The following NIBAN1 variants were observed in gnomAD, a reference collection of about 807,000 sequenced individuals.
NIBAN1 encodes protein Niban 1.
Under a neutral mutation model 75.1 loss-of-function variants are expected in NIBAN1, and 81 were observed. That is an observed-to-expected ratio of 1.08 (90% CI 0.90 to 1.30). The LOEUF (loss-of-function observed/expected upper bound fraction) is 1.30, where lower values mean the gene tolerates loss of function less well. Ranked by LOEUF, NIBAN1 falls within the 50% of genes most tolerant of loss-of-function variation. The probability of loss-of-function intolerance (pLI) is 0.00; values close to 1 mark genes in which losing one functional copy is unlikely to be tolerated. For missense variants in NIBAN1, 1,133 were observed against 1,128.1 expected, an observed-to-expected ratio of 1.00 and a Z score of -0.06; for synonymous variants, 436 against 424.8, an observed-to-expected ratio of 1.03 and a Z score of -0.32.
intron 1 of NIBAN1, among the ~76,000 whole-genome samples, chr1:184,910,747 T>A (rs891528979): frequency 3.9e-5 from 6 of 152,110 alleles, no homozygotes; most frequent in African/African-American, 1.2e-4. Context: ...CAGGAAGAGA[T>A]TAACTTTTGA....
chr1:184,964,423 G>C (rs1266104354), intron 1 of NIBAN1, among the ~76,000 whole-genome samples: 1 of 152,226 alleles, frequency 6.6e-6, no homozygotes, highest in Non-Finnish European at 1.5e-5. Context: ...GACCATCTGG[G>C]AGGCAGCACA....
At chr1:184,832,784 T>C (rs1386324552) in intron 5 of NIBAN1, among the ~76,000 whole-genome samples, 1 of 152,188 alleles carries the variant, frequency 6.6e-6, no homozygotes, top group East Asian at 1.9e-4. Flanking sequence ...TATCTAATGG[T>C]GGAACTTAAG....
intron 5 of NIBAN1, among the ~76,000 whole-genome samples, chr1:184,833,735 A>G (rs1490879865): frequency 6.6e-6 from 1 of 152,132 alleles, no homozygotes; most frequent in Non-Finnish European, 1.5e-5. Flanking sequence ...TAAAAAGAAA[A>G]GAAACGAATA....
At chr1:184,950,294 C>T (rs1304596614) in intron 1 of NIBAN1, among the ~76,000 whole-genome samples, 1 of 152,126 alleles carries the variant, frequency 6.6e-6, no homozygotes, top group Non-Finnish European at 1.5e-5. Context: ...CCAGGCCATC[C>T]AGGATTGTTT....
At chr1:184,969,417 G>T (rs955493682) in intron 1 of NIBAN1, among the ~76,000 whole-genome samples, 1 of 152,130 alleles carries the variant, frequency 6.6e-6, no homozygotes, top group Non-Finnish European at 1.5e-5. Context: ...GCAGTTGCAG[G>T]CATCACATTC....
chr1:184,862,553 C>T (rs1655844122), intron 5 of NIBAN1, among the ~76,000 whole-genome samples: 1 of 152,136 alleles, frequency 6.6e-6, no homozygotes, highest in Non-Finnish European at 1.5e-5. Context: ...AAAATGAACA[C>T]ATTTTTTAGC....
Position 184,823,686 on chromosome 1 carries a change from C to T in NIBAN1, c.774G>A (p.Leu258=), listed in dbSNP as rs747382735. The change falls in exon 7 of 14, where the codon CTG becomes CTA. Residue 258 remains leucine, a synonymous_variant. Transcript: ENST00000367511. ...ELLPTLQTDL[L]PKMKGKKNDR... is the part of the protein sequence containing the mutation. ...CATTCTTCTTCCCCTTCATCTTAGG[C>T]AGCAGGTCTGTCTGAAGAGTGGGCA... The T allele has an allele frequency of 1.2e-6, 2 of 1,614,166 alleles. No homozygotes were observed. Among genetic ancestry groups the T allele is most frequent in the South Asian group, 2.2e-5 (2 of 91,088 alleles).
rs571991392 is a variant in NIBAN1 at position 184,863,447 on chromosome 1, T to A, written c.601+21186A>T. Reference sequence around the variant, plus strand: ...GGACTTTAACTGAGTTCAAATTAGTTTTTTTTGTTTGTTTGTTTATGTATT... The same window carrying A: ...GGACTTTAACTGAGTTCAAATTAGTATTTTTTGTTTGTTTGTTTATGTATT... On this transcript the variant is annotated intron_variant, in intron 5 of 13. Transcript: ENST00000367511. Among the ~76,000 whole-genome samples the A allele has an allele frequency of 1.7e-4, 26 of 152,320 alleles. No individual in the cohort carries two copies. In the East Asian group the frequency reaches 4.8e-3, roughly 28 times the overall value.
chr1:184,858,502 C>G (rs1297975486), intron 5 of NIBAN1, among the ~76,000 whole-genome samples: 1 of 152,070 alleles, frequency 6.6e-6, no homozygotes, highest in Non-Finnish European at 1.5e-5. Flanking sequence ...AAAGCAAATT[C>G]ACTTCTTATC....
intron 5 of NIBAN1, among the ~76,000 whole-genome samples, chr1:184,881,287 G>T (rs979807553): frequency 6.6e-6 from 1 of 152,086 alleles, no homozygotes; most frequent in African/African-American, 2.4e-5. Context: ...CCTTCATCAG[G>T]GTTAAATAGG....
At chr1:184,898,041 A>C (rs1656846031) in intron 2 of NIBAN1, among the ~76,000 whole-genome samples, 1 of 152,060 alleles carries the variant, frequency 6.6e-6, no homozygotes, top group African/African-American at 2.4e-5. Flanking sequence ...CCAGTGGGAG[A>C]CTTCCCATTA....
intron 1 of NIBAN1, among the ~76,000 whole-genome samples, chr1:184,942,287 T>C (rs371697209): frequency 6.6e-6 from 1 of 152,276 alleles, no homozygotes; most frequent in Admixed American, 6.5e-5. Context: ...AAAGTTATAC[T>C]TTTTTAGTCC....
At chr1:184,889,278 CT>C (rs1021513676) in intron 4 of NIBAN1, among the ~76,000 whole-genome samples, 1 of 152,146 alleles carries the variant, frequency 6.6e-6, no homozygotes, top group African/African-American at 2.4e-5. Flanking sequence ...GTTCAAAGCC[CT>C]GTTTTTGAGT....
intron 1 of NIBAN1, among the ~76,000 whole-genome samples, chr1:184,950,926 TAGTA>T (rs2102063641): frequency 6.6e-6 from 1 of 152,350 alleles, no homozygotes; most frequent in African/African-American, 2.4e-5. Context: ...TGCTCTTAAA[TAGTA>T]AGTGATATTT....
chr1:184,922,527 G>A (rs1657584819), intron 1 of NIBAN1, among the ~76,000 whole-genome samples: 1 of 152,088 alleles, frequency 6.6e-6, no homozygotes, highest in Admixed American at 6.6e-5. Flanking sequence ...TCATGTACCT[G>A]TCTGCTATTT....
At chr1:184,842,747 A>G (rs1228802530) in intron 5 of NIBAN1, among the ~76,000 whole-genome samples, 3 of 150,334 alleles carry the variant, frequency 2.0e-5, no homozygotes, top group Admixed American at 6.6e-5. Flanking sequence ...CTGGGCGACA[A>G]AAGTGAAACT....
At chr1:184,824,891 G>C (rs939319212) in intron 6 of NIBAN1, among the ~76,000 whole-genome samples, 1 of 152,130 alleles carries the variant, frequency 6.6e-6, no homozygotes, top group African/African-American at 2.4e-5. Context: ...TCCCAGGAGG[G>C]GGATTCCTGG....
chr1:184,880,271 T>A (rs941677154), intron 5 of NIBAN1, among the ~76,000 whole-genome samples: 2 of 152,234 alleles, frequency 1.3e-5, no homozygotes, highest in Non-Finnish European at 2.9e-5. Context: ...GCTACTGCCA[T>A]CTGTTGCCAG....
intron 1 of NIBAN1, among the ~76,000 whole-genome samples, chr1:184,933,013 G>A (rs1002941325): frequency 2.0e-5 from 3 of 152,182 alleles, no homozygotes; most frequent in African/African-American, 7.2e-5. Flanking sequence ...AATTTGACTA[G>A]AGACACAAAA....
Sources: gnomAD v4.1 joint callset for allele counts (sites outside exome capture counted in the v4.1 genomes callset) on GRCh38, gnomAD v4.1.1 for gene constraint, MANE v1.5 for transcripts, NCBI Gene and HGNC (gene_info 2026-07-23, HGNC 2026-07-21) for gene names.